GJC1: variants seen among roughly 807,000 people sequenced by gnomAD.
GJC1 encodes gap junction protein gamma 1, also known as gap junction gamma-1 protein.
GJC1 carries 5 observed loss-of-function variants against 29.3 expected under a neutral mutation model. The ratio of observed to expected loss-of-function variants is 0.17; its 90% confidence interval spans 0.09 to 0.36. The LOEUF is 0.36. GJC1 is among the 10% of genes least tolerant of loss of function. The pLI is 1.00. For missense variants in GJC1, 310 were observed against 496.2 expected (o/e 0.62, Z 3.56); for synonymous variants, 177 against 183.3 (o/e 0.97, Z 0.28).
At chr17:44,796,852 G>C (rs531153244), downstream of GJC1, among the ~76,000 whole-genome samples, 15 of 151,750 alleles carry the variant, frequency 9.9e-5, 1 homozygote, top group Admixed American at 7.9e-4. Context: ...TATATATAGA[G>C]AGACAGACAG....
chr17:44,812,672 C>CA lies in GJC1; in HGVS notation c.-96-5204dup, dbSNP rs553065158. 4.7e-4 allele frequency among the ~76,000 whole-genome samples: 71 copies of CA among 151,454 alleles called. 2 individuals carry two copies. In the South Asian group the frequency reaches 8.7e-3, roughly 19 times the overall value. On this transcript the variant is annotated intron_variant, in intron 1 of 2. Coordinates refer to ENST00000592524, the MANE Select transcript of GJC1 (RefSeq NM_005497.4). Reference sequence around the variant, plus strand: ...TGAACTTTTTTTTTTTTAATTGAGACAGAGTCTCACTGTCGCCCAGGCTGG... The same window carrying CA: ...TGAACTTTTTTTTTTTTAATTGAGACAAGAGTCTCACTGTCGCCCAGGCTGG...
rs2049835778 is a variant in GJC1 at position 44,800,893 on chromosome 17, G to C, written c.*3734C>G. Reference sequence around the variant, plus strand: ...CAAAATGAACATTAACATTTCTTTAGGGGAAAATGCTATCTAATTTTCCCC... The same window carrying C: ...CAAAATGAACATTAACATTTCTTTACGGGAAAATGCTATCTAATTTTCCCC... On this transcript the variant is annotated 3_prime_UTR_variant, in exon 3 of 3. Coordinates refer to ENST00000592524, the MANE Select transcript of GJC1 (RefSeq NM_005497.4). 6.6e-6 allele frequency: 1 copy of C among 151,094 alleles called. No individual in the cohort carries two copies. The highest frequency in any genetic ancestry group is 1.5e-5 in the Non-Finnish European group (1 of 67,918). 9.4% of individuals were successfully genotyped at this position (151,094 alleles called of 1,614,324 possible). A position where few individuals can be genotyped will look rare whatever the true frequency, so the allele number is the denominator to read the frequency against.
chr17:44,810,141 C>G (rs920160355), intron 1 of GJC1, among the ~76,000 whole-genome samples: 5 of 151,846 alleles, frequency 3.3e-5, no homozygotes, highest in African/African-American at 4.8e-5. Flanking sequence ...GGATTACAAG[C>G]GTGAGCCACC....
At position 44,802,452 on chromosome 17, in the gene GJC1, T is replaced by A. The variant is rs2049860952; in HGVS notation, c.*2175A>T. 1 of 152,240 alleles carries A rather than the reference T, an allele frequency of 6.6e-6. No homozygotes were observed. Among genetic ancestry groups the A allele is most frequent in the African/African-American group, 2.4e-5 (1 of 41,464 alleles). The allele number at this position is 152,240 out of a possible 1,614,324, so 9.4% of individuals were successfully genotyped here. ...CTTTATCTTAGCTAGGCTTATGTAT[T>A]CCAAATTTTGCCTGTTTTCTTGGAA... On this transcript the variant is annotated 3_prime_UTR_variant, in exon 3 of 3. Transcript: ENST00000592524.
chr17:44,806,404 T>TG (rs147752006), intron 2 of GJC1, among the ~76,000 whole-genome samples: 14,090 of 149,262 alleles, frequency 0.094, 753 homozygotes, highest in East Asian at 0.14. Flanking sequence ...TCTGTTTGTT[T>TG]TTTTTTTTTT....
At chr17:44,824,707 G>C (rs1464462255) in intron 1 of GJC1, among the ~76,000 whole-genome samples, 2 of 151,760 alleles carry the variant, frequency 1.3e-5, no homozygotes, top group Non-Finnish European at 2.9e-5. Context: ...TTACTTGGGA[G>C]GCTGAGGCAG....
intron 1 of GJC1, among the ~76,000 whole-genome samples, chr17:44,810,448 G>C (rs1438221169): frequency 6.6e-6 from 1 of 152,290 alleles, no homozygotes; most frequent in East Asian, 1.9e-4. Flanking sequence ...CCATTAGTAA[G>C]TATTGTGTAC....
At chr17:44,826,415 A>G (rs1305017559) in intron 1 of GJC1, among the ~76,000 whole-genome samples, 2 of 152,076 alleles carry the variant, frequency 1.3e-5, no homozygotes, top group African/African-American at 2.4e-5. Context: ...CTGTAGTCCC[A>G]GCTACACAGG....
At chr17:44,826,261 G>A (rs191257940) in intron 1 of GJC1, among the ~76,000 whole-genome samples, 41 of 152,230 alleles carry the variant, frequency 2.7e-4, no homozygotes, top group South Asian at 1.0e-3. Context: ...GGCCGGGCAC[G>A]GTGGCTCACG....
rs778423212 is a variant in GJC1 at position 44,805,444 on chromosome 17, C to T, written c.374G>A (p.Arg125Gln). 9.9e-6 allele frequency: 16 copies of T among 1,614,002 alleles called. No individual in the cohort carries two copies. Among genetic ancestry groups the T allele is most frequent in the Middle Eastern group, 1.6e-4 (1 of 6,084 alleles). ...GTCCTCCTCCGTTTCTTCCAGAGCC[C>T]GGTGTTGTTTCCAGCGCATTGCATA... ...KPYAMRWKQH[R>Q]ALEETEEDNE... The change falls in exon 3 of 3, where the codon CGG becomes CAG. Residue 125 changes from arginine (R) to glutamine (Q), a missense_variant. By Grantham distance (43) the Arg-to-Gln change is conservative. Around this residue, in one of 4 missense-constraint regions of GJC1, gnomAD observed 82 missense variants for 100.7 expected, o/e 0.81. Coordinates refer to ENST00000592524, the MANE Select transcript of GJC1 (RefSeq NM_005497.4). This position sits in a 1 kb window ranked among gnomAD's most constrained non-coding sequence, Gnocchi z 5.1.
chr17:44,797,929 G>GT (rs1183896245), downstream of GJC1: 110 of 152,342 alleles, frequency 7.2e-4, no homozygotes, highest in Non-Finnish European at 2.4e-4. Context: ...CGGCTATCCC[G>GT]TGTCTGAGGG....
chr17:44,811,599 C>A (rs2049982446), intron 1 of GJC1, among the ~76,000 whole-genome samples: 1 of 152,032 alleles, frequency 6.6e-6, no homozygotes, highest in Admixed American at 6.6e-5. Flanking sequence ...GTTGCCCAGG[C>A]TGGTCCTGAA....
At chr17:44,819,648 A>G (rs2045300993) in intron 1 of GJC1, among the ~76,000 whole-genome samples, 1 of 151,042 alleles carries the variant, frequency 6.6e-6, no homozygotes, top group African/African-American at 2.4e-5. Flanking sequence ...ACAGAGCGAG[A>G]CTCCGTCTCA....
At chr17:44,809,571 CTT>C (rs113989364) in intron 1 of GJC1, among the ~76,000 whole-genome samples, 253 of 141,412 alleles carry the variant, frequency 1.8e-3, no homozygotes, top group African/African-American at 5.8e-3. Flanking sequence ...AAATGTGTAT[CTT>C]TTTTTTTTTT....
At chr17:44,810,540 G>A (rs1322174316) in intron 1 of GJC1, among the ~76,000 whole-genome samples, 1 of 152,090 alleles carries the variant, frequency 6.6e-6, no homozygotes, top group Non-Finnish European at 1.5e-5. Flanking sequence ...CAGAGTATGG[G>A]TACTCTATAC....
intron 1 of GJC1, among the ~76,000 whole-genome samples, chr17:44,816,137 A>AAAC (rs1307173543): frequency 6.6e-6 from 1 of 150,714 alleles, no homozygotes; most frequent in East Asian, 2.0e-4. Context: ...AAAAAAAAAA[A>AAAC]AGTTGCTTTT....
chr17:44,817,039 G>A (rs1251873050), intron 1 of GJC1, among the ~76,000 whole-genome samples: 1 of 149,694 alleles, frequency 6.7e-6, no homozygotes, highest in African/African-American at 2.5e-5. Context: ...GGAGAAACCT[G>A]CCTCTACTAA....
At chr17:44,794,217 C>G (rs1047892802), downstream of GJC1, 12 of 152,296 alleles carry the variant, frequency 7.9e-5, no homozygotes, top group Non-Finnish European at 1.5e-5. Flanking sequence ...AAAGCCCCCT[C>G]CCCAGAGCAG....
At chr17:44,811,193 T>C (rs2049976850) in intron 1 of GJC1, among the ~76,000 whole-genome samples, 1 of 151,990 alleles carries the variant, frequency 6.6e-6, no homozygotes, top group Admixed American at 6.6e-5. Flanking sequence ...GCGATTCTCC[T>C]GCCTCAGCCC....
Sources: gnomAD v4.1 joint callset for allele counts (sites outside exome capture counted in the v4.1 genomes callset) on GRCh38, gnomAD v4.1.1 for gene constraint, gnomAD v4.1.1 regional missense constraint, Gnocchi (gnomAD v3.1) non-coding constraint, MANE v1.5 for transcripts, NCBI Gene and HGNC (gene_info 2026-07-23, HGNC 2026-07-21) for gene names.